Variants in SEMA3E observed in about 807,000 individuals in gnomAD.
The protein encoded by SEMA3E is semaphorin 3E.
SEMA3E carries 49 observed loss-of-function variants against 93.6 expected under a neutral mutation model. The ratio of observed to expected loss-of-function variants is 0.52; its 90% confidence interval spans 0.42 to 0.66. The LOEUF is 0.66. Among genes scored for constraint, SEMA3E ranks in the 30% least tolerant of loss-of-function variants. The pLI is 0.00. For synonymous variants in SEMA3E, 363 were observed against 330.7 expected, an observed-to-expected ratio of 1.10 and a Z score of -1.06; for missense variants, 906 against 964.8, an observed-to-expected ratio of 0.94 and a Z score of 0.81.
chr7:83,565,414 G>A (rs2115848940), intron 1 of SEMA3E, among the ~76,000 whole-genome samples: 1 of 152,120 alleles, frequency 6.6e-6, no homozygotes, highest in South Asian at 2.1e-4. Flanking sequence ...ACAAGGGGAG[G>A]GAACTTGGAG....
intron 1 of SEMA3E, among the ~76,000 whole-genome samples, chr7:83,609,979 T>C (rs1332511999): frequency 6.6e-6 from 1 of 151,920 alleles, no homozygotes; most frequent in Non-Finnish European, 1.5e-5. Context: ...TTAAACGAAA[T>C]ACAGTACAAT....
intron 1 of SEMA3E, among the ~76,000 whole-genome samples, chr7:83,638,404 A>G (rs1374739727): frequency 6.6e-6 from 1 of 152,194 alleles, no homozygotes; most frequent in Non-Finnish European, 1.5e-5. Context: ...GACATGGAAG[A>G]ATTTTTGAAT....
chr7:83,466,629 C>G (rs776578561), intron 3 of SEMA3E, 28 bp from the exon 4 acceptor site: 1 of 1,610,642 alleles, frequency 6.2e-7, no homozygotes, highest in Non-Finnish European at 8.5e-7. Flanking sequence ...GGGAAGGAAT[C>G]TATCAGTATA....
chr7:83,380,536 C>T (rs1787756142), intron 16 of SEMA3E, among the ~76,000 whole-genome samples: 1 of 151,916 alleles, frequency 6.6e-6, no homozygotes, highest in Admixed American at 6.6e-5. Flanking sequence ...ACATTATTCT[C>T]TCTACTAATT....
In SEMA3E at chr7:83,363,885, T is replaced by C. The variant is rs1794624029; in HGVS notation, c.*3701A>G. ...ATTTTTTTTTTTTTTTTTTTTTTTT[T>C]TTTTTTTTTTTTTTTTTTTTGAGAC... is the stretch of plus-strand genomic sequence containing the variant. On this transcript the variant is annotated 3_prime_UTR_variant, in exon 17 of 17. Coordinates refer to ENST00000643230, the MANE Select transcript of SEMA3E (RefSeq NM_012431.3). 1.3e-4 allele frequency: 14 copies of C among 105,862 alleles called. No individual in the cohort carries two copies. Among genetic ancestry groups the C allele is most frequent in the African/African-American group, 4.7e-4 (13 of 27,524 alleles). 6.6% of individuals were successfully genotyped at this position (105,862 alleles called of 1,614,324 possible). A position where few individuals can be genotyped will look rare whatever the true frequency, so the allele number is the denominator to read the frequency against.
intron 16 of SEMA3E, among the ~76,000 whole-genome samples, chr7:83,375,713 C>T (rs923719413): frequency 6.6e-6 from 1 of 151,970 alleles, no homozygotes; most frequent in African/African-American, 2.4e-5. Flanking sequence ...GTGTCAGTGG[C>T]ATGAGACTTA....
At chr7:83,621,750 C>A (rs549603595) in intron 1 of SEMA3E, among the ~76,000 whole-genome samples, 6 of 152,056 alleles carry the variant, frequency 3.9e-5, no homozygotes, top group Non-Finnish European at 8.8e-5. Flanking sequence ...GAAAGGATTC[C>A]CTGTTTAATA....
intron 4 of SEMA3E, among the ~76,000 whole-genome samples, chr7:83,433,442 C>T (rs997322741): frequency 3.9e-5 from 6 of 152,042 alleles, no homozygotes; most frequent in Admixed American, 1.3e-4. Context: ...AACCGAAATT[C>T]TTATCTTTAT....
intron 1 of SEMA3E, among the ~76,000 whole-genome samples, chr7:83,524,991 C>A (rs34637330): frequency 0.53 from 80,067 of 151,744 alleles, 23,466 homozygotes; most frequent in Middle Eastern, 0.69. Flanking sequence ...ATTGGCTACT[C>A]TTTCTTGGCT....
At chr7:83,461,853 T>A (rs1230309128) in intron 4 of SEMA3E, among the ~76,000 whole-genome samples, 1 of 152,108 alleles carries the variant, frequency 6.6e-6, no homozygotes, top group African/African-American at 2.4e-5. Flanking sequence ...CCCAGCCACA[T>A]CTCCAACACA....
At chr7:83,491,263 T>C (rs1348398122) in intron 1 of SEMA3E, among the ~76,000 whole-genome samples, 2 of 152,192 alleles carry the variant, frequency 1.3e-5, no homozygotes, top group South Asian at 4.1e-4. Context: ...CTGAAGTATA[T>C]GCCTCTGTAT....
chr7:83,468,957 A>T (rs1789834085), intron 3 of SEMA3E, among the ~76,000 whole-genome samples: 1 of 152,224 alleles, frequency 6.6e-6, no homozygotes, highest in Admixed American at 6.5e-5. Flanking sequence ...TTTTTCTGCC[A>T]AATACATGAG....
At chr7:83,562,059 C>T (rs1792040603) in intron 1 of SEMA3E, among the ~76,000 whole-genome samples, 2 of 152,100 alleles carry the variant, frequency 1.3e-5, no homozygotes, top group African/African-American at 2.4e-5. Flanking sequence ...GATAACCCAG[C>T]ATATTCATAA....
chr7:83,611,839 A>G (rs913766907), intron 1 of SEMA3E, among the ~76,000 whole-genome samples: 1 of 152,038 alleles, frequency 6.6e-6, no homozygotes, highest in Non-Finnish European at 1.5e-5. Flanking sequence ...TCAGTCTGAG[A>G]GTCAGACCAA....
At chr7:83,385,851 G>T (rs1053134920) in intron 15 of SEMA3E, among the ~76,000 whole-genome samples, 4 of 152,128 alleles carry the variant, frequency 2.6e-5, no homozygotes, top group African/African-American at 9.7e-5. Context: ...CACAAATGTG[G>T]ATTATATCTT....
chr7:83,538,268 C>T lies in SEMA3E; in HGVS notation c.116-47994G>A, dbSNP rs534583700. ...ACTAATCATTTGAGGACCTGCCAGA[C>T]TATTTTTCAAAAGCAGCTGCATCAT... On this transcript the variant is annotated intron_variant, in intron 1 of 16. Coordinates refer to ENST00000643230, the MANE Select transcript of SEMA3E (RefSeq NM_012431.3). Among the ~76,000 whole-genome samples the T allele has an allele frequency of 3.3e-5, 5 of 152,282 alleles. No homozygotes were observed. In the East Asian group the frequency reaches 5.8e-4, roughly 18 times the overall value.
chr7:83,458,892 A>G (rs1476474002), intron 4 of SEMA3E, among the ~76,000 whole-genome samples: 2 of 147,226 alleles, frequency 1.4e-5, no homozygotes, highest in African/African-American at 4.9e-5. Context: ...AATAATATAT[A>G]TAGTTATATA....
chr7:83,392,734 G>A lies in SEMA3E; in HGVS notation c.1501-13C>T. On this transcript the variant is annotated splice_polypyrimidine_tract_variant and intron_variant, in intron 13 of 16. Coordinates refer to ENST00000643230, the MANE Select transcript of SEMA3E (RefSeq NM_012431.3). ...TATACAGCTGTTGCTACAGAAATCA[G>A]AAAGAGGTCACTAGCAGAAATGGAC... 1 of 1,613,402 alleles carries A rather than the reference G, an allele frequency of 6.2e-7. No homozygotes were observed. The highest frequency in any genetic ancestry group is 8.5e-7 in the Non-Finnish European group (1 of 1,179,612).
At chr7:83,583,309 G>A (rs1792552694) in intron 1 of SEMA3E, among the ~76,000 whole-genome samples, 1 of 152,030 alleles carries the variant, frequency 6.6e-6, no homozygotes, top group African/African-American at 2.4e-5. Flanking sequence ...GATCAAATTA[G>A]GATAATTAGC....
Sources: allele counts gnomAD v4.1 joint callset (sites outside exome capture counted in the v4.1 genomes callset), GRCh38; gene constraint gnomAD v4.1.1; transcripts MANE v1.5; gene names NCBI Gene and HGNC (gene_info 2026-07-23, HGNC 2026-07-21).